SLC24A3: variants seen among roughly 807,000 people sequenced by gnomAD.
SLC24A3 encodes sodium/potassium/calcium exchanger 3.
In SLC24A3, 28 loss-of-function variants were observed where a neutral mutation model predicts 75.8. The observed-to-expected ratio is 0.37, with a 90% CI of 0.27 to 0.51. The LOEUF (loss-of-function observed/expected upper bound fraction) is 0.51. Among genes scored for constraint, SLC24A3 ranks in the 20% least tolerant of loss-of-function variants. The probability of loss-of-function intolerance (pLI) is 0.94; values close to 1 mark genes in which losing one functional copy is unlikely to be tolerated. For missense variants in SLC24A3, 663 were observed against 847.8 expected (o/e 0.78, Z 2.71); for synonymous variants, 372 against 334.1 (o/e 1.11, Z -1.24).
At chr20:19,340,016 G>A (rs548363702) in intron 2 of SLC24A3, among the ~76,000 whole-genome samples, 3 of 152,278 alleles carry the variant, frequency 2.0e-5, no homozygotes, top group African/African-American at 7.2e-5. Flanking sequence ...GGCATGTGGG[G>A]GATCCAAGGG....
At chr20:19,368,285 G>C (rs76567006) in intron 2 of SLC24A3, among the ~76,000 whole-genome samples, 1 of 152,142 alleles carries the variant, frequency 6.6e-6, no homozygotes, top group African/African-American at 2.4e-5. Context: ...ACTTTAAGAC[G>C]GGCAAAGTAC....
intron 6 of SLC24A3, among the ~76,000 whole-genome samples, chr20:19,651,988 T>C (rs1372708767): frequency 1.3e-5 from 2 of 152,208 alleles, no homozygotes; most frequent in Non-Finnish European, 2.9e-5. Context: ...GATCTCTTAT[T>C]TTCTATTAAG....
At chr20:19,279,295 T>C (rs971748805) in intron 1 of SLC24A3, among the ~76,000 whole-genome samples, 31 of 152,128 alleles carry the variant, frequency 2.0e-4, no homozygotes, top group African/African-American at 7.0e-4. Context: ...TTTCCATCCG[T>C]TTTCCGCCCG....
chr20:19,695,020 C>T (rs2032788275), intron 13 of SLC24A3: 1 of 152,276 alleles, frequency 6.6e-6, no homozygotes, highest in Non-Finnish European at 1.5e-5. Flanking sequence ...GTTTCTGCAG[C>T]TCACTTTCCT....
At chr20:19,328,164 G>T (rs762655594) in intron 2 of SLC24A3, among the ~76,000 whole-genome samples, 5 of 152,060 alleles carry the variant, frequency 3.3e-5, no homozygotes, top group African/African-American at 7.2e-5. Context: ...ATGGAAGCAC[G>T]CTTGGTGTGT....
chr20:19,655,757 T>C (rs951282707), intron 7 of SLC24A3, among the ~76,000 whole-genome samples: 1 of 152,148 alleles, frequency 6.6e-6, no homozygotes, highest in African/African-American at 2.4e-5. Flanking sequence ...GCCTTTGGAT[T>C]CAAATTGGGA....
At position 19,295,396 on chromosome 20, in the gene SLC24A3, T is replaced by C. The variant is rs140907207; in HGVS notation, c.271+14309T>C. The stretch of plus-strand genomic sequence containing the variant: ...CCAGAACTTCCACTACTATGTTGAA[T>C]AGGGGTGGTGAGATGGGGCATCCTT... On this transcript the variant is annotated intron_variant, in intron 2 of 16. Transcript: ENST00000328041. Among the ~76,000 whole-genome samples the C allele has an allele frequency of 2.5e-3, 383 of 152,306 alleles. 2 individuals are homozygous for C. The highest frequency in any genetic ancestry group is 8.9e-3 in the African/African-American group (371 of 41,566).
intron 1 of SLC24A3, among the ~76,000 whole-genome samples, chr20:19,233,853 C>T (rs967088760): frequency 2.0e-5 from 3 of 152,180 alleles, no homozygotes; most frequent in African/African-American, 7.2e-5. Flanking sequence ...TCTGCATGTT[C>T]TCTTCTGTTC....
chr20:19,305,812 G>C, intron 2 of SLC24A3, among the ~76,000 whole-genome samples: 1 of 152,076 alleles, frequency 6.6e-6, no homozygotes, highest in Non-Finnish European at 1.5e-5. Context: ...TCTGAACATT[G>C]ACGTTGGCAA....
At chr20:19,602,839 G>A (rs2031544878) in intron 6 of SLC24A3, among the ~76,000 whole-genome samples, 1 of 152,206 alleles carries the variant, frequency 6.6e-6, no homozygotes, top group South Asian at 2.1e-4. Flanking sequence ...TCAGCAGGCA[G>A]GTGTGTGGGG....
At chr20:19,435,836 C>T (rs1403404347) in intron 2 of SLC24A3, among the ~76,000 whole-genome samples, 1 of 152,202 alleles carries the variant, frequency 6.6e-6, no homozygotes, top group Non-Finnish European at 1.5e-5. Context: ...GCCCTGCTGA[C>T]TTGCCTACAC....
intron 6 of SLC24A3, among the ~76,000 whole-genome samples, chr20:19,641,753 G>A (rs1393972766): frequency 2.6e-5 from 4 of 152,192 alleles, no homozygotes; most frequent in East Asian, 1.9e-4. Context: ...AGAATCTCTA[G>A]GGGTGGGACC....
At chr20:19,561,575 G>T (rs1176287488) in intron 3 of SLC24A3, among the ~76,000 whole-genome samples, 1 of 152,130 alleles carries the variant, frequency 6.6e-6, no homozygotes, top group Non-Finnish European at 1.5e-5. Flanking sequence ...TTGTAAAGAA[G>T]AACATATGCA....
chr20:19,545,077 A>G (rs768217608), intron 3 of SLC24A3, among the ~76,000 whole-genome samples: 1 of 152,248 alleles, frequency 6.6e-6, no homozygotes. Flanking sequence ...GTTTAAAAAC[A>G]ATGCAGCTCT....
chr20:19,696,627 G>A (rs1225231215), intron 13 of SLC24A3, 170 bp from the exon 14 acceptor site: 7 of 504,442 alleles, frequency 1.4e-5, no homozygotes, highest in Non-Finnish European at 2.5e-5. Flanking sequence ...TGCAGCCCCG[G>A]TCGGCATCCA....
intron 2 of SLC24A3, among the ~76,000 whole-genome samples, chr20:19,398,789 A>C (rs758581598): frequency 6.6e-6 from 1 of 152,196 alleles, no homozygotes; most frequent in Non-Finnish European, 1.5e-5. Context: ...TTTCACTATT[A>C]GATTAATTAT....
chr20:19,625,891 C>T (rs553749242), intron 6 of SLC24A3, among the ~76,000 whole-genome samples: 53 of 152,254 alleles, frequency 3.5e-4, no homozygotes, highest in Admixed American at 2.3e-3. Flanking sequence ...AACACTTTCT[C>T]TTACTTCAGG....
chr20:19,417,309 T>C (rs1241250188), intron 2 of SLC24A3, among the ~76,000 whole-genome samples: 1 of 152,220 alleles, frequency 6.6e-6, no homozygotes, highest in Non-Finnish European at 1.5e-5. Context: ...TAGTGCATTA[T>C]ATATGTGTTT....
intron 15 of SLC24A3, 109 bp from the exon 16 acceptor site, chr20:19,717,419 T>C (rs1257472649): frequency 4.1e-5 from 41 of 992,262 alleles, no homozygotes; most frequent in Non-Finnish European, 6.0e-5. Flanking sequence ...AGAGGGGAGA[T>C]GTGGAATCAC....
Sources: gnomAD v4.1 joint callset for allele counts (sites outside exome capture counted in the v4.1 genomes callset) on GRCh38, gnomAD v4.1.1 for gene constraint, MANE v1.5 for transcripts, NCBI Gene and HGNC (gene_info 2026-07-23, HGNC 2026-07-21) for gene names.